FCRL2: variants seen among roughly 807,000 people sequenced by gnomAD.
The protein encoded by FCRL2 is Fc receptor like 2.
Under a neutral mutation model 59.8 loss-of-function variants are expected in FCRL2, and 48 were observed. The ratio of observed to expected loss-of-function variants is 0.80; its 90% CI spans 0.64 to 1.02. The LOEUF is 1.02. Ranked by LOEUF, FCRL2 falls within the 50% of genes least tolerant of loss-of-function variation. The pLI, the probability that FCRL2 is intolerant of heterozygous loss-of-function variation, is 0.00. For synonymous variants in FCRL2, 251 were observed against 229.5 expected, an observed-to-expected ratio of 1.09 and a Z score of -0.85; for missense variants, 658 against 597.3, an observed-to-expected ratio of 1.10 and a Z score of -1.06.
At chr1:157,751,895 G>A (rs939137589) in intron 7 of FCRL2, among the ~76,000 whole-genome samples, 1 of 151,050 alleles carries the variant, frequency 6.6e-6, no homozygotes, top group East Asian at 1.9e-4. Flanking sequence ...TTTCTCAACC[G>A]AGCAAACCTG....
intron 4 of FCRL2, chr1:157,769,405 A>G (rs1377205794): frequency 1.2e-5 from 2 of 160,920 alleles, no homozygotes; most frequent in Non-Finnish European, 2.8e-5. Flanking sequence ...GGAAGCCAGG[A>G]GCAATCTGGA....
chr1:157,748,668 A>C, intron 9 of FCRL2, 50 bp from the exon 10 acceptor site: 2 of 1,486,498 alleles, frequency 1.3e-6, no homozygotes, highest in Middle Eastern at 1.7e-4. Context: ...CAGGGTTCAC[A>C]CTTCATACAC....
chr1:157,767,166 C>A, intron 6 of FCRL2, 65 bp downstream of exon 6: 2 of 1,544,730 alleles, frequency 1.3e-6, no homozygotes, highest in Non-Finnish European at 1.7e-6. Flanking sequence ...ACACAGCAGA[C>A]ATCTCCAGGC....
chr1:157,774,465 A>G (rs1329706696), intron 2 of FCRL2: 1 of 456,456 alleles, frequency 2.2e-6, no homozygotes, highest in Non-Finnish European at 4.4e-6. Flanking sequence ...CTTTTTAAAA[A>G]GAAAAGATCT....
chr1:157,750,707 C>T (rs534753371), intron 7 of FCRL2, among the ~76,000 whole-genome samples: 8 of 152,134 alleles, frequency 5.3e-5, no homozygotes, highest in African/African-American at 1.9e-4. Context: ...AAGGAATGAC[C>T]TCAGAATTGT....
chr1:157,774,129 A>G (rs2101769187), intron 2 of FCRL2, among the ~76,000 whole-genome samples: 1 of 152,382 alleles, frequency 6.6e-6, no homozygotes, highest in South Asian at 2.1e-4. Flanking sequence ...AAAGCTTTGC[A>G]AGGGCAAAGT....
chr1:157,756,561 C>T (rs931005718), intron 7 of FCRL2, among the ~76,000 whole-genome samples: 6 of 151,962 alleles, frequency 3.9e-5, no homozygotes, highest in African/African-American at 1.5e-4. Flanking sequence ...TGCCTGTGGT[C>T]CCATCTACTT....
At chr1:157,749,802 A>G in intron 7 of FCRL2, 125 bp from the exon 8 acceptor site, 2 of 579,308 alleles carry the variant, frequency 3.5e-6, no homozygotes, top group Non-Finnish European at 6.1e-6. Flanking sequence ...ATCCAATTGT[A>G]TTTCATCTAA....
intron 7 of FCRL2, among the ~76,000 whole-genome samples, chr1:157,757,767 C>A (rs997779911): frequency 1.3e-4 from 20 of 152,180 alleles, no homozygotes; most frequent in African/African-American, 4.8e-4. Context: ...TCGAGACCAT[C>A]CTGGCTAACA....
chr1:157,760,889 C>T (rs1182546687), intron 7 of FCRL2, among the ~76,000 whole-genome samples: 1 of 152,118 alleles, frequency 6.6e-6, no homozygotes, highest in Non-Finnish European at 1.5e-5. Context: ...TACACCAAAC[C>T]TGCAAGACAA....
intron 7 of FCRL2, among the ~76,000 whole-genome samples, chr1:157,752,265 C>T (rs189593874): frequency 1.2e-4 from 18 of 152,250 alleles, no homozygotes; most frequent in African/African-American, 2.4e-4. Context: ...AAGTCTTTCC[C>T]GTGCTGTTCT....
intron 7 of FCRL2, among the ~76,000 whole-genome samples, chr1:157,764,865 A>T (rs1464461651): frequency 6.6e-6 from 1 of 152,192 alleles, no homozygotes; most frequent in Admixed American, 6.5e-5. Flanking sequence ...TACAACAAAA[A>T]CGTGGAAAGA....
At chr1:157,774,568 T>G (rs888345113) in intron 2 of FCRL2, 4 of 422,772 alleles carry the variant, frequency 9.5e-6, no homozygotes, top group Non-Finnish European at 1.4e-5. Flanking sequence ...CTCTGAATGG[T>G]CGTAGGTGAT....
At chr1:157,767,074 TTGAAG>T in intron 6 of FCRL2, 103 bp from the exon 7 acceptor site, 1 of 1,327,742 alleles carries the variant, frequency 7.5e-7, no homozygotes, top group Non-Finnish European at 1.0e-6. Flanking sequence ...TAAGAGATCA[TTGAAG>T]TGTAGTCTGT....
chr1:157,774,227 G>A (rs922759600), intron 2 of FCRL2, among the ~76,000 whole-genome samples: 5 of 152,256 alleles, frequency 3.3e-5, no homozygotes, highest in African/African-American at 1.2e-4. Context: ...GGGACAGAAA[G>A]ACCTTTTCAG....
intron 1 of FCRL2, 125 bp downstream of exon 1, chr1:157,776,918 C>G: frequency 1.1e-6 from 1 of 887,114 alleles, no homozygotes; most frequent in Non-Finnish European, 1.9e-6. Flanking sequence ...CTTTGAAGCC[C>G]AAGCTGCAGG....
intron 1 of FCRL2, 141 bp from the exon 2 acceptor site, chr1:157,775,936 C>T (rs368822622): frequency 2.1e-4 from 188 of 907,746 alleles, no homozygotes; most frequent in African/African-American, 1.8e-3. Flanking sequence ...TTATTACTAA[C>T]AATTCAATCT....
chr1:157,768,648 T>C lies in FCRL2; in HGVS notation c.649A>G (p.Thr217Ala). ...LEIRAPGGQV[T>A]EGQKLILLCS... is the part of the protein sequence containing the mutation. Reference sequence around the variant, plus strand: ...AGCAGGATCAGTTTTTGTCCTTCAGTCACCTGTCCCCCGGGGGCCCGGATC... The same window carrying C: ...AGCAGGATCAGTTTTTGTCCTTCAGCCACCTGTCCCCCGGGGGCCCGGATC... The change falls in exon 5 of 12, where the codon ACT becomes GCT. Residue 217 changes from threonine to alanine, a missense_variant. Transcript: ENST00000361516. 6.2e-7 allele frequency: 1 copy of C among 1,614,174 alleles called. No individual in the cohort carries two copies. Among genetic ancestry groups the C allele is most frequent in the Non-Finnish European group, 8.5e-7 (1 of 1,180,008 alleles).
intron 7 of FCRL2, among the ~76,000 whole-genome samples, chr1:157,758,859 GA>G (rs1648805347): frequency 6.6e-6 from 1 of 152,128 alleles, no homozygotes. Context: ...ATGCTGATGG[GA>G]TAACTGGCTA....
Sources: allele counts gnomAD v4.1 joint callset (sites outside exome capture counted in the v4.1 genomes callset), GRCh38; gene constraint gnomAD v4.1.1; transcripts MANE v1.5; gene names NCBI Gene and HGNC (gene_info 2026-07-23, HGNC 2026-07-21).